KHDRBS2: variants seen among roughly 807,000 people sequenced by gnomAD.
KHDRBS2 encodes the protein KH RNA binding domain containing, signal transduction associated 2, also known as KH domain-containing, RNA-binding, signal transduction-associated protein 2.
In KHDRBS2, 26 loss-of-function variants were observed where a neutral mutation model predicts 44.3. The ratio of observed to expected loss-of-function variants is 0.59; its 90% CI spans 0.43 to 0.81. The LOEUF is 0.81. KHDRBS2 is among the 40% of genes least tolerant of loss of function. The pLI is 0.00. For synonymous variants in KHDRBS2, 194 were observed against 151.1 expected (o/e 1.28, Z -2.08); for missense variants, 476 against 433.1 (o/e 1.10, Z -0.88).
rs530594526 is a variant in KHDRBS2, at chr6:62,155,931, T to C, written c.219+21254A>G. 3.3e-5 allele frequency among the ~76,000 whole-genome samples: 5 copies of C among 152,328 alleles called. No homozygotes were observed. In the South Asian group the frequency reaches 8.3e-4, roughly 25 times the overall value. ...GTATTTTAGGGGAAAAATCCCATCA[T>C]AATTTCAGAGTGCATAATGGGCTCA... On this transcript the variant is annotated intron_variant, in intron 2 of 8. Coordinates refer to ENST00000281156, the MANE Select transcript of KHDRBS2 (RefSeq NM_152688.4).
chr6:61,718,742 T>G (rs974820120), intron 7 of KHDRBS2, among the ~76,000 whole-genome samples: 2 of 152,136 alleles, frequency 1.3e-5, no homozygotes, highest in African/African-American at 4.8e-5. Flanking sequence ...CAGCTTTCTC[T>G]GTTTCCCTTT....
the KHDRBS2 span, among the ~76,000 whole-genome samples, chr6:61,670,527 A>G: frequency 6.6e-6 from 1 of 151,506 alleles, no homozygotes; most frequent in Non-Finnish European, 1.5e-5. Flanking sequence ...TTCAACATTA[A>G]TTTCATTTTA....
intron 3 of KHDRBS2, among the ~76,000 whole-genome samples, chr6:62,003,045 G>A (rs567947499): frequency 6.6e-6 from 1 of 151,562 alleles, no homozygotes; most frequent in South Asian, 2.1e-4. Context: ...TTTCTTTTTG[G>A]CAAAATTATA....
chr6:61,682,042 T>C (rs1274240928), intron 8 of KHDRBS2, among the ~76,000 whole-genome samples: 1 of 151,840 alleles, frequency 6.6e-6, no homozygotes, highest in African/African-American at 2.4e-5. Flanking sequence ...CGCATAGATA[T>C]TGATAATTGA....
Position 62,049,091 on chromosome 6 carries a change from C to T in KHDRBS2, c.220-1097G>A, listed in dbSNP as rs1217603129. On this transcript the variant is annotated intron_variant, in intron 2 of 8. Transcript: ENST00000281156. ...AAGTCCAGAATAAAAAGAAAGATGTCTGCTCTTACCCCTTTTATTCAATTT... is the reference window on the plus strand; with the variant it reads ...AAGTCCAGAATAAAAAGAAAGATGTTTGCTCTTACCCCTTTTATTCAATTT... Among the ~76,000 whole-genome samples the T allele has an allele frequency of 2.0e-5, 3 of 151,770 alleles. No homozygotes were observed. In the East Asian group the frequency reaches 5.8e-4, roughly 30 times the overall value.
chr6:61,999,633 A>G (rs972663234), intron 3 of KHDRBS2, among the ~76,000 whole-genome samples: 4 of 152,096 alleles, frequency 2.6e-5, no homozygotes, highest in Non-Finnish European at 5.9e-5. Context: ...ATATCCAACA[A>G]TTTGCATAAA....
At chr6:61,581,828 T>G in the KHDRBS2 span, among the ~76,000 whole-genome samples, 8 of 151,366 alleles carry the variant, frequency 5.3e-5, no homozygotes, top group Non-Finnish European at 1.0e-4. Context: ...CAGATAGCTT[T>G]ATACCCAAGA....
At chr6:61,995,391 C>A (rs1334490540) in intron 3 of KHDRBS2, among the ~76,000 whole-genome samples, 1 of 152,050 alleles carries the variant, frequency 6.6e-6, no homozygotes, top group Non-Finnish European at 1.5e-5. Flanking sequence ...TAACATACAA[C>A]GTATGATAGA....
chr6:61,631,171 A>G, the KHDRBS2 span, among the ~76,000 whole-genome samples: 120 of 152,178 alleles, frequency 7.9e-4, no homozygotes, highest in Admixed American at 1.5e-3. Context: ...AGGACGTGCC[A>G]TCATTTTAAA....
chr6:62,252,980 G>T (rs1396641767), intron 1 of KHDRBS2, among the ~76,000 whole-genome samples: 1 of 151,948 alleles, frequency 6.6e-6, no homozygotes, highest in African/African-American at 2.4e-5. Flanking sequence ...AACTAGAATG[G>T]CATATATGAA....
At chr6:61,736,841 G>A (rs1358386070) in intron 6 of KHDRBS2, among the ~76,000 whole-genome samples, 1 of 151,816 alleles carries the variant, frequency 6.6e-6, no homozygotes. Context: ...CCAATAGCAT[G>A]TTTTCTCTCA....
chr6:62,145,989 A>G (rs1406104834), intron 2 of KHDRBS2, among the ~76,000 whole-genome samples: 1 of 151,878 alleles, frequency 6.6e-6, no homozygotes, highest in East Asian at 1.9e-4. Flanking sequence ...ATTTCAAAAT[A>G]TATCTTCCTT....
the KHDRBS2 span, among the ~76,000 whole-genome samples, chr6:61,575,266 A>C: frequency 6.6e-6 from 1 of 152,208 alleles, no homozygotes; most frequent in African/African-American, 2.4e-5. Flanking sequence ...CAAATCAGCA[A>C]GAAAAACACA....
intron 6 of KHDRBS2, among the ~76,000 whole-genome samples, chr6:61,855,410 A>G (rs1395348798): frequency 6.6e-6 from 1 of 151,546 alleles, no homozygotes; most frequent in Non-Finnish European, 1.5e-5. Flanking sequence ...TAGCTTTTCC[A>G]TCTGTAAAAT....
chr6:62,022,050 T>C (rs1349746598), intron 3 of KHDRBS2, among the ~76,000 whole-genome samples: 1 of 148,312 alleles, frequency 6.7e-6, no homozygotes, highest in Admixed American at 6.7e-5. Flanking sequence ...ATATATATTC[T>C]GTAGGGGAGA....
intron 2 of KHDRBS2, among the ~76,000 whole-genome samples, chr6:62,098,244 G>GT (rs35184806): frequency 0.13 from 17,134 of 127,732 alleles, 1,280 homozygotes; most frequent in South Asian, 0.17. Flanking sequence ...AGCTTCAAAC[G>GT]TTTTTTTTTT....
At chr6:61,772,182 A>C (rs1781035228) in intron 6 of KHDRBS2, among the ~76,000 whole-genome samples, 1 of 152,212 alleles carries the variant, frequency 6.6e-6, no homozygotes, top group South Asian at 2.1e-4. Flanking sequence ...GTGTAGAGGG[A>C]AATTTATAGC....
intron 3 of KHDRBS2, among the ~76,000 whole-genome samples, chr6:62,005,222 A>T (rs1253256833): frequency 6.6e-6 from 1 of 152,092 alleles, no homozygotes; most frequent in Non-Finnish European, 1.5e-5. Flanking sequence ...TCAGCAAAGT[A>T]ACACTTGCAA....
At chr6:61,848,484 T>TAC (rs1794773847) in intron 6 of KHDRBS2, among the ~76,000 whole-genome samples, 3 of 48,216 alleles carry the variant, frequency 6.2e-5, no homozygotes, top group African/African-American at 4.4e-4. Context: ...TATATATATA[T>TAC]ATATATGTAT....
Sources: gnomAD v4.1 joint callset for allele counts (sites outside exome capture counted in the v4.1 genomes callset) on GRCh38, gnomAD v4.1.1 for gene constraint, MANE v1.5 for transcripts, NCBI Gene and HGNC (gene_info 2026-07-23, HGNC 2026-07-21) for gene names.